CTRC: variants seen among roughly 807,000 people sequenced by gnomAD.
CTRC encodes chymotrypsin C.
In CTRC, 32 loss-of-function variants were observed where a neutral mutation model predicts 35.7. That is an observed-to-expected ratio of 0.90 (90% CI 0.68 to 1.20). The LOEUF (loss-of-function observed/expected upper bound fraction) is 1.20. CTRC is among the 50% of genes most tolerant of loss of function. CTRC has a pLI of 0.00. For missense variants in CTRC, 324 were observed against 361.5 expected (o/e 0.90, Z 0.84); for synonymous variants, 119 against 149.5 (o/e 0.80, Z 1.49).
chr1:15,440,674 C>A, intron 3 of CTRC, 84 bp downstream of exon 3: 2 of 1,161,342 alleles, frequency 1.7e-6, no homozygotes, highest in Non-Finnish European at 2.5e-6. Context: ...AGCTTCTCCG[C>A]ACTCCAGGCA....
At chr1:15,439,371 C>G (rs985894570) in intron 1 of CTRC, among the ~76,000 whole-genome samples, 1 of 149,296 alleles carries the variant, frequency 6.7e-6, no homozygotes, top group Admixed American at 6.7e-5. Flanking sequence ...TGCAGTGAGC[C>G]GAGATCGCGC....
At chr1:15,439,494 G>T (rs888661019) in intron 1 of CTRC, among the ~76,000 whole-genome samples, 2 of 152,000 alleles carry the variant, frequency 1.3e-5, no homozygotes, top group African/African-American at 4.8e-5. Flanking sequence ...TACAGATGAG[G>T]ACATCGAGGT....
At chr1:15,442,916 G>C (rs1184933228) in intron 4 of CTRC, among the ~76,000 whole-genome samples, 1 of 152,108 alleles carries the variant, frequency 6.6e-6, no homozygotes, top group African/African-American at 2.4e-5. Flanking sequence ...CCTCACAACA[G>C]CCCTGGACAA....
chr1:15,446,842 G>A lies in CTRC; in HGVS notation c.*253G>A. On this transcript the variant is annotated 3_prime_UTR_variant, in exon 8 of 8. Transcript: ENST00000375949. ...CTCCTGGGGCATTAATGGGAGGCAG[G>A]GGGCTGGGGTGGAGAGCCCAGGGAG... 2 of 601,996 alleles carry A rather than the reference G, an allele frequency of 3.3e-6. No individual in the cohort carries two copies. The highest frequency in any genetic ancestry group is 6.0e-6 in the Non-Finnish European group (2 of 335,582). 37.3% of individuals were successfully genotyped at this position (601,996 alleles called of 1,614,324 possible).
intron 2 of CTRC, 47 bp downstream of exon 2, chr1:15,440,438 G>A: frequency 6.2e-7 from 1 of 1,612,414 alleles, no homozygotes; most frequent in Non-Finnish European, 8.5e-7. Flanking sequence ...GGGTGGCGGG[G>A]TGAGGGTCCC....
Position 15,438,518 on chromosome 1 carries a change from T to C in CTRC, c.40+14T>C, listed in dbSNP as rs1457043033. Reference sequence around the variant, plus strand: ...TCTTGGCCTGTGGTAAGCGGTGGGGTGGGGCTGCAGCTAGCAGGCTGTGAG... The same window carrying C: ...TCTTGGCCTGTGGTAAGCGGTGGGGCGGGGCTGCAGCTAGCAGGCTGTGAG... On this transcript the variant is annotated intron_variant, in intron 1 of 7. Transcript: ENST00000375949. 1.2e-6 allele frequency: 2 copies of C among 1,613,674 alleles called. No individual in the cohort carries two copies. The highest frequency in any genetic ancestry group is 2.7e-5 in the African/African-American group (2 of 74,848).
intron 3 of CTRC, among the ~76,000 whole-genome samples, chr1:15,440,804 G>A (rs961948083): frequency 1.1e-4 from 16 of 152,186 alleles, no homozygotes; most frequent in Admixed American, 7.9e-4. Flanking sequence ...GTGCTCTCGG[G>A]AAGCTTATAT....
intron 3 of CTRC, among the ~76,000 whole-genome samples, chr1:15,441,916 A>AT (rs1396254367): frequency 6.6e-6 from 1 of 151,790 alleles, no homozygotes; most frequent in East Asian, 1.9e-4. Flanking sequence ...TAAGTTTTCT[A>AT]TTTTTTGTAG....
chr1:15,445,584 C>A lies in CTRC; in HGVS notation c.640-13C>A, dbSNP rs368477746. On this transcript the variant is annotated splice_polypyrimidine_tract_variant and intron_variant, in intron 6 of 7. Coordinates refer to ENST00000375949, the MANE Select transcript of CTRC (RefSeq NM_007272.3). ...GGGGGCCTGGTGGCTTATGCCCTCCCGGTCTGGTGCAGGGGGACTCCGGTG... is the reference window on the plus strand; with the variant it reads ...GGGGGCCTGGTGGCTTATGCCCTCCAGGTCTGGTGCAGGGGGACTCCGGTG... 6.2e-7 allele frequency: 1 copy of A among 1,613,556 alleles called. No individual in the cohort carries two copies. Among genetic ancestry groups the A allele is most frequent in the Non-Finnish European group, 8.5e-7 (1 of 1,179,496 alleles).
chr1:15,444,485 A>G, intron 5 of CTRC, 121 bp from the exon 6 acceptor site: 1 of 1,234,044 alleles, frequency 8.1e-7, no homozygotes. Context: ...TGTGGTCCGC[A>G]CACTGTCTCA....
intron 3 of CTRC, among the ~76,000 whole-genome samples, chr1:15,441,984 C>A (rs987840688): frequency 2.0e-5 from 3 of 152,018 alleles, no homozygotes; most frequent in Admixed American, 2.0e-4. Context: ...TCAAGCAATC[C>A]CCCCGTCTCG....
chr1:15,442,150 G>A (rs867834582), intron 3 of CTRC, among the ~76,000 whole-genome samples: 1 of 152,146 alleles, frequency 6.6e-6, no homozygotes, highest in Admixed American at 6.5e-5. Flanking sequence ...CAAGGGCGGT[G>A]GAAGCTTGGA....
intron 7 of CTRC, among the ~76,000 whole-genome samples, chr1:15,446,080 A>C (rs1286895625): frequency 6.6e-6 from 1 of 152,196 alleles, no homozygotes; most frequent in African/African-American, 2.4e-5. Flanking sequence ...TGATTCATTC[A>C]TGCACTTCTT....
chr1:15,443,585 G>A (rs755561457), intron 5 of CTRC, 30 bp downstream of exon 5: 18 of 1,613,924 alleles, frequency 1.1e-5, no homozygotes, highest in Non-Finnish European at 1.4e-5. Flanking sequence ...AATCCTGAGA[G>A]CCTTCCTGAA....
At chr1:15,442,146 CG>C (rs1420503961) in intron 3 of CTRC, among the ~76,000 whole-genome samples, 2 of 152,132 alleles carry the variant, frequency 1.3e-5, no homozygotes, top group Non-Finnish European at 2.9e-5. Context: ...CAGGCAAGGG[CG>C]GTGGAAGCTT....
rs761724706 is a variant in CTRC at position 15,446,614 on chromosome 1, G to A, written c.*25G>A. On this transcript the variant is annotated 3_prime_UTR_variant, in exon 8 of 8. Coordinates refer to ENST00000375949, the MANE Select transcript of CTRC (RefSeq NM_007272.3). ...ATTTGTTGCTGGGAGCGGCGGCAGC[G>A]AGTCCCTGCAACAGCAATAAACTTC... The A allele has an allele frequency of 2.4e-5, 38 of 1,614,104 alleles. No homozygotes were observed. Among genetic ancestry groups the A allele is most frequent in the East Asian group, 1.3e-4 (6 of 44,872 alleles).
At chr1:15,439,716 G>C (rs563169690) in intron 1 of CTRC, among the ~76,000 whole-genome samples, 2 of 152,282 alleles carry the variant, frequency 1.3e-5, no homozygotes, top group African/African-American at 4.8e-5. Flanking sequence ...CCGGGCACTC[G>C]CACACATGCC....
intron 1 of CTRC, 149 bp from the exon 2 acceptor site, chr1:15,440,151 G>C: frequency 1.4e-6 from 1 of 718,898 alleles, no homozygotes; most frequent in Non-Finnish European, 2.5e-6. Context: ...TAGAGACCTG[G>C]GTGGCTTACC....
chr1:15,445,718 G>A lies in CTRC; in HGVS notation c.761G>A (p.Arg254Gln), dbSNP rs755811899. The A allele has an allele frequency of 1.5e-5, 24 of 1,614,042 alleles. No homozygotes were observed. Among genetic ancestry groups the A allele is most frequent in the East Asian group, 6.7e-5 (3 of 44,904 alleles). ...CGCAAGAAGCCGGTAGTCTACACCC[G>A]GGTGTCCGCCTACATCGACTGGATC... ...NTRKKPVVYT[R>Q]VSAYIDWINE... Residue 254 changes from arginine to glutamine, a missense_variant, in exon 7 of 8, where the codon CGG becomes CAG. Arg to Gln is a conservative substitution (Grantham distance 43). Coordinates refer to ENST00000375949, the MANE Select transcript of CTRC (RefSeq NM_007272.3).
Sources: gnomAD v4.1 joint callset for allele counts (sites outside exome capture counted in the v4.1 genomes callset) on GRCh38, gnomAD v4.1.1 for gene constraint, MANE v1.5 for transcripts, NCBI Gene and HGNC (gene_info 2026-07-23, HGNC 2026-07-21) for gene names.